The following RIMBP2 variants were observed in gnomAD, a reference collection of about 807,000 sequenced individuals.
RIMBP2 encodes the protein RIMS-binding protein 2.
RIMBP2 carries 48 observed loss-of-function variants against 118.6 expected under a neutral mutation model. That is an observed-to-expected ratio of 0.40 (90% CI 0.32 to 0.51). The LOEUF (loss-of-function observed/expected upper bound fraction) is 0.51, where lower values mean the gene tolerates loss of function less well. Among genes scored for constraint, RIMBP2 ranks in the 20% least tolerant of loss-of-function variants. RIMBP2 has a pLI of 0.41. For synonymous variants in RIMBP2, 762 were observed against 742.9 expected (o/e 1.03, Z -0.42); for missense variants, 1,551 against 1,768.3 (o/e 0.88, Z 2.20).
chr12:130,692,300 T>G (rs991632627), intron 1 of RIMBP2, among the ~76,000 whole-genome samples: 11 of 152,114 alleles, frequency 7.2e-5, no homozygotes, highest in Admixed American at 7.2e-4. Flanking sequence ...TGCAGAAGCC[T>G]CTTCATGCCT....
chr12:130,646,007 C>T (rs992618163), intron 1 of RIMBP2, among the ~76,000 whole-genome samples: 1 of 152,104 alleles, frequency 6.6e-6, no homozygotes, highest in Non-Finnish European at 1.5e-5. Flanking sequence ...TGCGTTTCAC[C>T]CAAGCATTGA....
chr12:130,672,580 C>T lies in RIMBP2; in HGVS notation c.-352+43642G>A, dbSNP rs970637015. Among the ~76,000 whole-genome samples the T allele has an allele frequency of 3.3e-5, 5 of 152,156 alleles. No homozygotes were observed. The South Asian group carries it at 6.2e-4, about 19-fold the overall frequency. On this transcript the variant is annotated intron_variant, in intron 1 of 22. Transcript: ENST00000690449. Reference sequence around the variant, plus strand: ...GTGCAGATGAGAACTGGAAGCAGCACGTGGGCAAGTTGCCAGCTAAGCCAG... The same window carrying T: ...GTGCAGATGAGAACTGGAAGCAGCATGTGGGCAAGTTGCCAGCTAAGCCAG...
chr12:130,577,540 AG>A (rs2058169991), intron 2 of RIMBP2, among the ~76,000 whole-genome samples: 1 of 152,084 alleles, frequency 6.6e-6, no homozygotes, highest in South Asian at 2.1e-4. Context: ...AAACCACCAG[AG>A]CTCATGAGAA....
chr12:130,608,307 C>T (rs1199819984), intron 2 of RIMBP2, among the ~76,000 whole-genome samples: 1 of 152,246 alleles, frequency 6.6e-6, no homozygotes, highest in Non-Finnish European at 1.5e-5. Flanking sequence ...GGAAGGCCAA[C>T]GACACCACCA....
At chr12:130,714,051 C>T (rs1432673927) in intron 1 of RIMBP2, among the ~76,000 whole-genome samples, 1 of 152,186 alleles carries the variant, frequency 6.6e-6, no homozygotes, top group Non-Finnish European at 1.5e-5. Context: ...TTAACCCACC[C>T]GCCAGGATGC....
At chr12:130,407,661 G>C (rs2075302563) in intron 20 of RIMBP2, 65 bp downstream of exon 20, 1 of 1,277,900 alleles carries the variant, frequency 7.8e-7, no homozygotes, top group Non-Finnish European at 1.1e-6. Flanking sequence ...CCTCAGTGTG[G>C]TGTACCACGA....
chr12:130,522,238 T>G (rs2139146458), intron 2 of RIMBP2, among the ~76,000 whole-genome samples: 1 of 152,306 alleles, frequency 6.6e-6, no homozygotes, highest in South Asian at 2.1e-4. Context: ...GGGCAAAAAG[T>G]GAATTCTAAT....
intron 17 of RIMBP2, among the ~76,000 whole-genome samples, chr12:130,421,979 C>G (rs1039299478): frequency 6.6e-6 from 1 of 152,184 alleles, no homozygotes; most frequent in African/African-American, 2.4e-5. Flanking sequence ...GGGGAGCACA[C>G]ATTTCAGGGG....
chr12:130,503,401 AAAAAAC>A (rs2049995758), intron 4 of RIMBP2, among the ~76,000 whole-genome samples: 1 of 87,280 alleles, frequency 1.1e-5, no homozygotes, highest in Non-Finnish European at 2.9e-5. Flanking sequence ...ATCTAAAAAG[AAAAAAC>A]AAAAAACAAA....
At chr12:130,414,045 C>T in intron 18 of RIMBP2, 80 bp downstream of exon 18, 1 of 1,435,826 alleles carries the variant, frequency 7.0e-7, no homozygotes. Flanking sequence ...TAAGTCGATA[C>T]CCTGTTGCCA....
At position 130,621,866 on chromosome 12, in the gene RIMBP2, G is replaced by C. The variant is rs1484114577; in HGVS notation, c.-217+6456C>G. Among the ~76,000 whole-genome samples, 1 of 152,138 alleles carries C rather than the reference G, an allele frequency of 6.6e-6. No homozygotes were observed. Among genetic ancestry groups the C allele is most frequent in the South Asian group, 2.1e-4 (1 of 4,834 alleles). On this transcript the variant is annotated intron_variant, in intron 2 of 22. Transcript: ENST00000690449. The surrounding 1 kb of genome is among the most constrained non-coding windows in gnomAD (Gnocchi z 6.6). ...ATCGCTGAACCCAGCCTGGTACTGA[G>C]GCCAGCAGGCCAGCATCACACACAC...
chr12:130,516,354 C>T (rs763564253), intron 3 of RIMBP2, among the ~76,000 whole-genome samples: 60 of 152,224 alleles, frequency 3.9e-4, no homozygotes, highest in African/African-American at 4.1e-4. Context: ...ACTGAGCACC[C>T]GCTATGCATC....
At chr12:130,640,362 G>C (rs1251024136) in intron 1 of RIMBP2, among the ~76,000 whole-genome samples, 1 of 152,184 alleles carries the variant, frequency 6.6e-6, no homozygotes, top group East Asian at 1.9e-4. Context: ...ATTATGTATG[G>C]AACCTTCCAT....
chr12:130,532,157 G>A (rs1287168229), intron 2 of RIMBP2, among the ~76,000 whole-genome samples: 3 of 149,604 alleles, frequency 2.0e-5, no homozygotes, highest in African/African-American at 4.9e-5. Flanking sequence ...AATGAGATGC[G>A]TGTGTTTAGC....
chr12:130,660,004 T>C (rs2063586907), intron 1 of RIMBP2: 1 of 151,244 alleles, frequency 6.6e-6, no homozygotes, highest in African/African-American at 2.4e-5. Flanking sequence ...ATTAATACTA[T>C]TTTACATTCT....
intron 2 of RIMBP2, among the ~76,000 whole-genome samples, chr12:130,535,344 TA>T (rs529240633): frequency 0.036 from 4,626 of 128,514 alleles, 201 homozygotes; most frequent in African/African-American, 0.11. Flanking sequence ...ACTAAAAAAT[TA>T]AAAAAAAAAA....
chr12:130,708,194 A>G (rs912545633), intron 1 of RIMBP2, among the ~76,000 whole-genome samples: 2 of 152,178 alleles, frequency 1.3e-5, no homozygotes, highest in Admixed American at 6.5e-5. Flanking sequence ...GGACATCTAT[A>G]GAGACAGCAG....
At chr12:130,593,538 T>C (rs1365779401) in intron 2 of RIMBP2, among the ~76,000 whole-genome samples, 1 of 152,190 alleles carries the variant, frequency 6.6e-6, no homozygotes, top group Non-Finnish European at 1.5e-5. Context: ...CCCGCACCCT[T>C]GGCGGCTGGA....
chr12:130,632,133 A>T (rs1372097198), intron 1 of RIMBP2, among the ~76,000 whole-genome samples: 1 of 152,268 alleles, frequency 6.6e-6, no homozygotes, highest in Non-Finnish European at 1.5e-5. Flanking sequence ...AAAAAATAAA[A>T]GAGACGTTTC....
Sources: gnomAD v4.1 joint callset for allele counts (sites outside exome capture counted in the v4.1 genomes callset) on GRCh38, gnomAD v4.1.1 for gene constraint, Gnocchi (gnomAD v3.1) non-coding constraint, MANE v1.5 for transcripts, NCBI Gene and HGNC (gene_info 2026-07-23, HGNC 2026-07-21) for gene names.